The following SACS variants were observed in gnomAD, a reference collection of about 807,000 sequenced individuals.
The protein encoded by SACS is sacsin molecular chaperone.
Under a neutral mutation model 348.0 loss-of-function variants are expected in SACS, and 197 were observed. The ratio of observed to expected loss-of-function variants is 0.57; its 90% CI spans 0.50 to 0.64. SACS has a LOEUF of 0.64. Among genes scored for constraint, SACS ranks in the 30% least tolerant of loss-of-function variants. The pLI, the probability that SACS is intolerant of heterozygous loss-of-function variation, is 0.00. For synonymous variants in SACS, 1,985 were observed against 1,910.6 expected (o/e 1.04, Z -1.02); for missense variants, 4,999 against 5,360.8 (o/e 0.93, Z 2.11).
intron 9 of SACS, among the ~76,000 whole-genome samples, chr13:23,349,997 G>C (rs1869852052): frequency 6.6e-6 from 1 of 152,194 alleles, no homozygotes; most frequent in South Asian, 2.1e-4. Flanking sequence ...AGCTGAGGAA[G>C]GAGCCCCCAC....
chr13:23,418,856 T>C (rs1184158267), intron 1 of SACS: 1 of 152,180 alleles, frequency 6.6e-6, no homozygotes, highest in Non-Finnish European at 1.5e-5. Flanking sequence ...AAGGTGCCCA[T>C]GGGTTTGTCT....
Position 23,355,749 on chromosome 13 carries a change from T to C in SACS, c.863A>G (p.Asn288Ser), listed in dbSNP as rs554752953. The C allele has an allele frequency of 3.7e-6, 6 of 1,614,226 alleles. No individual in the cohort carries two copies. Among genetic ancestry groups the C allele is most frequent in the African/African-American group, 2.7e-5 (2 of 75,062 alleles). ...AAACAACTCAAGAACCTTCTGCTTA[T>C]TGTAGAGGTTACTACTAAGTTGTGA... ...QPSQLSSNLY[N>S]KQKVLELFES... The change falls in exon 8 of 10, where the codon AAT (asparagine) becomes AGT (serine). Residue 288 changes from asparagine to serine, a missense_variant. Physicochemically the swap from Asn to Ser is conservative, Grantham distance 46. Coordinates refer to ENST00000382292, the MANE Select transcript of SACS (RefSeq NM_014363.6).
Position 23,337,915 on chromosome 13 carries a change from G to A in SACS, c.5961C>T (p.Ser1987=), listed in dbSNP as rs1198127636. The A allele has an allele frequency of 1.2e-6, 2 of 1,613,864 alleles. No homozygotes were observed. The highest frequency in any genetic ancestry group is 3.3e-5 in the Admixed American group (2 of 60,012). The stretch of plus-strand genomic sequence containing the variant: ...CATCTAGAAATCTTACGTTCTTCAT[G>A]GAAACCCAAGTAGATCCATCAGAGA... ...KVFSDGSTWV[S]MKNVRFLDDS... is the part of the protein sequence containing the mutation. The change falls in exon 10 of 10, where the codon TCC becomes TCT. Residue 1987 remains serine (S), a synonymous_variant. Transcript: ENST00000382292.
Position 23,411,602 on chromosome 13 carries a change from G to A in SACS, c.-363C>T, listed in dbSNP as rs1421253561. ...CTGAGAATTTTCTGTATTTCTTTTT[G>A]AAGGTTCTTGGGGAAAACGTCGCAG... On this transcript the variant is annotated 5_prime_UTR_variant, in exon 2 of 10. Coordinates refer to ENST00000382292, the MANE Select transcript of SACS (RefSeq NM_014363.6). The A allele has an allele frequency of 4.5e-6, 1 of 223,650 alleles. No homozygotes were observed. Among genetic ancestry groups the A allele is most frequent in the African/African-American group, 2.3e-5 (1 of 43,218 alleles). The allele number at this position is 223,650 out of a possible 1,614,324, so 13.9% of individuals were successfully genotyped here.
chr13:23,417,609 C>T (rs1242028016), intron 1 of SACS, among the ~76,000 whole-genome samples: 1 of 152,128 alleles, frequency 6.6e-6, no homozygotes, highest in Non-Finnish European at 1.5e-5. Context: ...GAACCCCATA[C>T]TGTGCACAAG....
Position 23,335,355 on chromosome 13 carries a change from T to C in SACS, c.8521A>G (p.Lys2841Glu). The change falls in exon 10 of 10, where the codon AAG becomes GAG. Residue 2841 changes from lysine to glutamate, a missense_variant. Lys to Glu is a moderately conservative substitution (Grantham distance 56). Coordinates refer to ENST00000382292, the MANE Select transcript of SACS (RefSeq NM_014363.6). This position sits in a 1 kb window ranked among gnomAD's most constrained non-coding sequence, Gnocchi z 4.7. ...KVSKSVISAH[K>E]NQDITLFPRG... is the part of the protein sequence containing the mutation. ...GGGAAAAGAGTAATATCTTGGTTCT[T>C]GTGAGCTGATATGACACTTTTAGAT... 2 of 1,613,960 alleles carry C rather than the reference T, an allele frequency of 1.2e-6. No homozygotes were observed. The highest frequency in any genetic ancestry group is 1.7e-6 in the Non-Finnish European group (2 of 1,179,890).
chr13:23,360,999 C>T (rs1870698054), intron 6 of SACS, among the ~76,000 whole-genome samples: 2 of 152,132 alleles, frequency 1.3e-5, no homozygotes, highest in Non-Finnish European at 2.9e-5. Flanking sequence ...AGGTGATCCA[C>T]CTGCCTCAGC....
In SACS at chr13:23,340,375, A is replaced by G. The variant is rs2137634940; in HGVS notation, c.3501T>C (p.Tyr1167=). The G allele has an allele frequency of 6.2e-7, 1 of 1,614,094 alleles. No individual in the cohort carries two copies. Residue 1167 remains tyrosine, a synonymous_variant, in exon 10 of 10, where the codon TAT becomes TAC. Transcript: ENST00000382292. The part of the protein sequence containing the change: ...VPACKERPPN[Y]PGSLVWKGDL... ...CTCCTTTCCAGACCAAAGAGCCTGG[A>G]TAATTTGGAGGCCTTTCCTTGCAGG...
rs751485897 is a variant in SACS, at chr13:23,340,293, T to C, written c.3583A>G (p.Ile1195Val). 8.7e-6 allele frequency: 14 copies of C among 1,613,738 alleles called. No homozygotes were observed. The highest frequency in any genetic ancestry group is 1.0e-5 in the Non-Finnish European group (12 of 1,179,754). Residue 1195 changes from isoleucine (I) to valine (V), a missense_variant, in exon 10 of 10, where the codon ATT becomes GTT. This residue lies in a region of SACS where 3,156 missense variants were observed against 3,380.1 expected (regional missense o/e 0.93). Coordinates refer to ENST00000382292, the MANE Select transcript of SACS (RefSeq NM_014363.6). ...DMCDVGHAILIGSSLPLVESI... is the reference protein window; with the variant it reads ...DMCDVGHAILVGSSLPLVESI... ...TCAACAAGAGGAAGTGAGGAGCCAA[T>C]GAGAATTGCATGGCCTACATCACAC...
chr13:23,343,597 C>T lies in SACS; in HGVS notation c.2186-1907G>A, dbSNP rs536417621. On this transcript the variant is annotated intron_variant, in intron 9 of 9. Transcript: ENST00000382292. ...CTACTCAAGAGGCTGAGGCAGAGAA[C>T]TGCTTGAACCCGGGAGGCGGAGGTT... 6.5e-4 allele frequency among the ~76,000 whole-genome samples: 99 copies of T among 152,270 alleles called. 1 individual carries two copies. Among genetic ancestry groups the T allele is most frequent in the Admixed American group, 1.2e-3 (19 of 15,298 alleles).
intron 6 of SACS, among the ~76,000 whole-genome samples, chr13:23,364,036 C>T (rs1351105665): frequency 6.6e-6 from 1 of 152,162 alleles, no homozygotes; most frequent in Non-Finnish European, 1.5e-5. Context: ...TAGCAGCAGT[C>T]AGGACTAGAA....
At chr13:23,364,456 T>C (rs1346969763) in intron 6 of SACS, among the ~76,000 whole-genome samples, 1 of 152,214 alleles carries the variant, frequency 6.6e-6, no homozygotes, top group Non-Finnish European at 1.5e-5. Flanking sequence ...AATTTTTATA[T>C]TTTTAGTAGA....
chr13:23,335,063 T>A lies in SACS; in HGVS notation c.8813A>T (p.Asp2938Val), dbSNP rs1196754695. The A allele has an allele frequency of 6.2e-7, 1 of 1,613,310 alleles. No homozygotes were observed. Among genetic ancestry groups the A allele is most frequent in the South Asian group, 1.1e-5 (1 of 91,012 alleles). Residue 2938 changes from aspartate (D) to valine (V), a missense_variant, in exon 10 of 10, where the codon GAT (aspartate) becomes GTT (valine). Physicochemically the swap from Asp to Val is radical, Grantham distance 152. Around this residue, in one of 6 missense-constraint regions of SACS, gnomAD observed 734 missense variants for 694.0 expected, o/e 1.06. Coordinates refer to ENST00000382292, the MANE Select transcript of SACS (RefSeq NM_014363.6). This position sits in a 1 kb window ranked among gnomAD's most constrained non-coding sequence, Gnocchi z 4.7. ...GTTCTGTAACACTGATAATGTTGGA[T>A]CAGAACCAGGGAAATACCGTTTTTT... ...QLKKRYFPGSDPTLSVLQNTP... is the reference protein window; with the variant it reads ...QLKKRYFPGSVPTLSVLQNTP...
chr13:23,364,048 G>A (rs938566208), intron 6 of SACS, among the ~76,000 whole-genome samples: 1 of 152,130 alleles, frequency 6.6e-6, no homozygotes, highest in Non-Finnish European at 1.5e-5. Context: ...GGACTAGAAC[G>A]CACACCTCCT....
chr13:23,377,397 G>T (rs916946515), intron 2 of SACS, among the ~76,000 whole-genome samples: 18 of 152,108 alleles, frequency 1.2e-4, no homozygotes, highest in African/African-American at 4.1e-4. Context: ...AAAAACCTCG[G>T]TTTTTCCGTG....
chr13:23,404,689 A>T (rs1294662053), intron 2 of SACS, among the ~76,000 whole-genome samples: 1 of 152,232 alleles, frequency 6.6e-6, no homozygotes, highest in African/African-American at 2.4e-5. Context: ...ATCTCAGCCC[A>T]AAATCTCCTT....
At chr13:23,407,714 G>A (rs1388316987) in intron 2 of SACS, among the ~76,000 whole-genome samples, 2 of 152,136 alleles carry the variant, frequency 1.3e-5, no homozygotes, top group Non-Finnish European at 2.9e-5. Context: ...CCAAACATTA[G>A]ACAGGCTCCC....
intron 8 of SACS, 96 bp from the exon 9 acceptor site, chr13:23,353,972 A>G: frequency 1.3e-6 from 1 of 778,262 alleles, no homozygotes; most frequent in Non-Finnish European, 2.3e-6. Flanking sequence ...TAAGCCGACT[A>G]TTTTATTTTA....
intron 1 of SACS, among the ~76,000 whole-genome samples, chr13:23,425,731 C>T (rs887926359): frequency 6.6e-6 from 1 of 152,146 alleles, no homozygotes; most frequent in African/African-American, 2.4e-5. Flanking sequence ...CTGCTCTGCT[C>T]AGGGTGTGAA....
Sources: allele counts gnomAD v4.1 joint callset (sites outside exome capture counted in the v4.1 genomes callset), GRCh38; gene constraint gnomAD v4.1.1; regional missense constraint gnomAD v4.1.1; non-coding constraint Gnocchi (gnomAD v3.1); transcripts MANE v1.5; gene names NCBI Gene and HGNC (gene_info 2026-07-23, HGNC 2026-07-21).